EYA3: variants seen among roughly 807,000 people sequenced by gnomAD.
EYA3 encodes the protein EYA transcriptional coactivator and phosphatase 3, also known as protein phosphatase EYA3.
In EYA3, 39 loss-of-function variants were observed where a neutral mutation model predicts 80.0. That is an observed-to-expected ratio of 0.49 (90% CI 0.38 to 0.64). The LOEUF (loss-of-function observed/expected upper bound fraction) is 0.64. Ranked by LOEUF, EYA3 falls within the 30% of genes least tolerant of loss-of-function variation. The probability of loss-of-function intolerance (pLI) is 0.00; values close to 1 mark genes in which losing one functional copy is unlikely to be tolerated. For missense variants in EYA3, 523 were observed against 676.1 expected, an observed-to-expected ratio of 0.77 and a Z score of 2.51; for synonymous variants, 206 against 232.8, an observed-to-expected ratio of 0.88 and a Z score of 1.05.
chr1:27,991,735 C>T lies in EYA3; in HGVS notation c.1303+1665G>A, dbSNP rs144006885. Among the ~76,000 whole-genome samples the T allele has an allele frequency of 2.4e-4, 37 of 151,628 alleles. No individual in the cohort carries two copies. The East Asian group carries it at 6.7e-3, about 28-fold the overall frequency. Reference sequence around the variant, plus strand: ...TATACTCAACTAATACATGATGTGGCGCTTTCATCAATTCATATTGTACAA... The same window carrying T: ...TATACTCAACTAATACATGATGTGGTGCTTTCATCAATTCATATTGTACAA... On this transcript the variant is annotated intron_variant, in intron 14 of 17. Transcript: ENST00000373871.
At chr1:27,983,211 C>T (rs11247731) in intron 16 of EYA3, among the ~76,000 whole-genome samples, 51,787 of 151,992 alleles carry the variant, frequency 0.34, 8,947 homozygotes, top group East Asian at 0.5. Flanking sequence ...TAAGTGGGCA[C>T]GGTTTCAATA....
intron 11 of EYA3, among the ~76,000 whole-genome samples, chr1:28,002,047 C>G (rs1206549330): frequency 1.3e-5 from 2 of 152,176 alleles, no homozygotes; most frequent in Non-Finnish European, 2.9e-5. Context: ...TCTCTAGTAG[C>G]TGGAATTATA....
In EYA3 at chr1:28,027,846, T is replaced by G. The variant is rs1642878500; in HGVS notation, c.442A>C (p.Thr148Pro). Residue 148 changes from threonine to proline, a missense_variant, in exon 7 of 18, where the codon ACT becomes CCT. Coordinates refer to ENST00000373871, the MANE Select transcript of EYA3 (RefSeq NM_001990.4). Reference protein sequence around the residue: ...SPSQHSVLTCTTGLTTSQPSP... With the variant: ...SPSQHSVLTCPTGLTTSQPSP... Reference sequence around the variant, plus strand: ...GGCTGGCTTGTGGTTAACCCTGTAGTGCAGGTAAGAACACTGTGTTGACTT... The same window carrying G: ...GGCTGGCTTGTGGTTAACCCTGTAGGGCAGGTAAGAACACTGTGTTGACTT... The G allele has an allele frequency of 6.2e-7, 1 of 1,614,188 alleles. No homozygotes were observed. The highest frequency in any genetic ancestry group is 2.2e-5 in the East Asian group (1 of 44,878).
intron 3 of EYA3, among the ~76,000 whole-genome samples, chr1:28,044,047 T>G (rs1486108734): frequency 6.6e-6 from 1 of 152,208 alleles, no homozygotes; most frequent in African/African-American, 2.4e-5. Flanking sequence ...AAATTGAGAA[T>G]GATAAGTCAC....
chr1:27,990,017 ACTG>A (rs1054176072), intron 14 of EYA3: 18 of 263,126 alleles, frequency 6.8e-5, no homozygotes, highest in Admixed American at 1.6e-4. Flanking sequence ...GTGAATATAA[ACTG>A]CTGTATATAG....
chr1:27,981,533 TC>T (rs1206937848), intron 16 of EYA3, among the ~76,000 whole-genome samples: 2 of 151,830 alleles, frequency 1.3e-5, no homozygotes, highest in Non-Finnish European at 2.9e-5. Context: ...TTCCACCCAA[TC>T]CCTTGTAAAT....
chr1:28,010,875 CA>C (rs1417397979), intron 10 of EYA3, 71 bp downstream of exon 10: 1 of 1,544,498 alleles, frequency 6.5e-7, no homozygotes, highest in Non-Finnish European at 8.7e-7. Flanking sequence ...CTGTGAGCTT[CA>C]AAAACATGTT....
chr1:27,995,403 G>A lies in EYA3; in HGVS notation c.1143-1843C>T, dbSNP rs142268095. On this transcript the variant is annotated intron_variant, in intron 13 of 17. Coordinates refer to ENST00000373871, the MANE Select transcript of EYA3 (RefSeq NM_001990.4). ...TGCACTCCAGCCTGGGTGCCAGAGC[G>A]AGACCCTATCTTAAAAGGAAAAAAA... Among the ~76,000 whole-genome samples the A allele has an allele frequency of 2.1e-3, 293 of 136,938 alleles. 1 individual carries two copies. Among genetic ancestry groups the A allele is most frequent in the Middle Eastern group, 0.011 (2 of 184 alleles). The allele number at this position is 136,938 out of a possible 152,430, so 89.8% of individuals were successfully genotyped here.
At chr1:28,060,197 G>GT (rs748270373) in intron 1 of EYA3, among the ~76,000 whole-genome samples, 6 of 152,194 alleles carry the variant, frequency 3.9e-5, no homozygotes, top group Non-Finnish European at 8.8e-5. Context: ...TAGGAGGAAG[G>GT]TAAGAATAAT....
intron 7 of EYA3, among the ~76,000 whole-genome samples, chr1:28,018,160 C>A (rs1397751740): frequency 6.6e-6 from 1 of 150,754 alleles, no homozygotes; most frequent in Non-Finnish European, 1.5e-5. Context: ...CGCATGACTG[C>A]ACTACAGCCT....
intron 3 of EYA3, among the ~76,000 whole-genome samples, chr1:28,048,141 A>G (rs1445388257): frequency 6.6e-6 from 1 of 152,222 alleles, no homozygotes; most frequent in Non-Finnish European, 1.5e-5. Context: ...CTGATATACA[A>G]CATGAGTTTG....
At chr1:28,054,297 T>C (rs1571908340) in intron 2 of EYA3, among the ~76,000 whole-genome samples, 1 of 152,318 alleles carries the variant, frequency 6.6e-6, no homozygotes, top group African/African-American at 2.4e-5. Flanking sequence ...TAAATATTTA[T>C]GGCAGAGACA....
chr1:27,997,132 C>A (rs765354457), intron 13 of EYA3, among the ~76,000 whole-genome samples, 188 bp downstream of exon 13: 1 of 152,226 alleles, frequency 6.6e-6, no homozygotes, highest in Non-Finnish European at 1.5e-5. Flanking sequence ...TCGTGCTCCA[C>A]GGCATTTTCT....
chr1:28,001,665 G>C (rs535119114), intron 11 of EYA3, among the ~76,000 whole-genome samples: 55 of 147,278 alleles, frequency 3.7e-4, no homozygotes, highest in African/African-American at 1.3e-3. Context: ...CGTGAACCTG[G>C]GAGGTGGAGC....
Position 28,038,843 on chromosome 1 carries a change from C to T in EYA3, c.220G>A (p.Ala74Thr). The T allele has an allele frequency of 6.4e-7, 1 of 1,565,508 alleles. No homozygotes were observed. Among genetic ancestry groups the T allele is most frequent in the Non-Finnish European group, 8.7e-7 (1 of 1,148,604 alleles). The change falls in exon 5 of 18, where the codon GCA (alanine) becomes ACA (threonine). Residue 74 changes from alanine (A) to threonine (T), a missense_variant. By Grantham distance (58) the Ala-to-Thr change is moderately conservative. Transcript: ENST00000373871. ...SNDYTSQMYS[A>T]KPYAHILSVP... ...GGAAATAATTATTCAACTTACTTTGCAGAATACATTTGTGAGGTATAATCA... is the reference window on the plus strand; with the variant it reads ...GGAAATAATTATTCAACTTACTTTGTAGAATACATTTGTGAGGTATAATCA...
chr1:27,993,987 T>G (rs1203956482), intron 13 of EYA3, among the ~76,000 whole-genome samples: 1 of 152,200 alleles, frequency 6.6e-6, no homozygotes, highest in Non-Finnish European at 1.5e-5. Flanking sequence ...CTAACAATGG[T>G]AAGATAATGG....
intron 1 of EYA3, among the ~76,000 whole-genome samples, chr1:28,075,801 TTTC>T (rs1307731955): frequency 6.6e-6 from 1 of 152,192 alleles, no homozygotes; most frequent in Non-Finnish European, 1.5e-5. Context: ...TTCGCTGTGA[TTTC>T]TTCTCCTATT....
chr1:28,068,608 G>A (rs1397869628), intron 1 of EYA3, among the ~76,000 whole-genome samples: 1 of 149,116 alleles, frequency 6.7e-6, no homozygotes, highest in East Asian at 2.0e-4. Context: ...AGCTACTTCT[G>A]AATCTGGCAG....
At chr1:28,036,075 A>G (rs965363812) in intron 5 of EYA3, among the ~76,000 whole-genome samples, 1 of 152,178 alleles carries the variant, frequency 6.6e-6, no homozygotes, top group Non-Finnish European at 1.5e-5. Context: ...TTGGCCTCCC[A>G]AACTGCTGGG....
Sources: allele counts gnomAD v4.1 joint callset (sites outside exome capture counted in the v4.1 genomes callset), GRCh38; gene constraint gnomAD v4.1.1; transcripts MANE v1.5; gene names NCBI Gene and HGNC (gene_info 2026-07-23, HGNC 2026-07-21).